COL25A1: variants seen among roughly 807,000 people sequenced by gnomAD.
The protein encoded by COL25A1 is collagen alpha-1(XXV) chain.
Under a neutral mutation model 128.4 loss-of-function variants are expected in COL25A1, and 103 were observed. The observed-to-expected ratio is 0.80, with a 90% CI of 0.68 to 0.94. The LOEUF (loss-of-function observed/expected upper bound fraction) is 0.94. Ranked by LOEUF, COL25A1 falls within the 40% of genes least tolerant of loss-of-function variation. The pLI, the probability that COL25A1 is intolerant of heterozygous loss-of-function variation, is 0.00. For synonymous variants in COL25A1, 279 were observed against 277.2 expected (o/e 1.01, Z -0.06); for missense variants, 745 against 840.0 (o/e 0.89, Z 1.40).
intron 13 of COL25A1, among the ~76,000 whole-genome samples, chr4:108,906,510 G>A (rs1479739166): frequency 2.0e-5 from 3 of 152,042 alleles, no homozygotes; most frequent in Admixed American, 2.0e-4. Flanking sequence ...ACAACCTTGT[G>A]TTTCTTTTCT....
chr4:109,052,509 T>A (rs1450139607), intron 3 of COL25A1, among the ~76,000 whole-genome samples: 2 of 152,214 alleles, frequency 1.3e-5, no homozygotes, highest in Non-Finnish European at 2.9e-5. Context: ...TAAACTCTAA[T>A]GAATTTACAA....
At chr4:109,084,655 C>T (rs532580104) in intron 3 of COL25A1, among the ~76,000 whole-genome samples, 3 of 152,174 alleles carry the variant, frequency 2.0e-5, no homozygotes, top group Non-Finnish European at 4.4e-5. Context: ...GCAAGAACCA[C>T]ACATCAGGTT....
chr4:109,193,878 C>T (rs2126166955), intron 3 of COL25A1, among the ~76,000 whole-genome samples: 1 of 152,140 alleles, frequency 6.6e-6, no homozygotes, highest in Non-Finnish European at 1.5e-5. Context: ...TAGGCCAAAA[C>T]CTTAGGATAC....
At position 109,288,658 on chromosome 4, in the gene COL25A1, G is replaced by A. The variant is rs760035706; in HGVS notation, c.367+11925C>T. ...TTTAACATTAGTGGAACTATTCATT[G>A]GTACCTAAATACAGGAAGCAGTGTC... On this transcript the variant is annotated intron_variant, in intron 3 of 37. Transcript: ENST00000399132. 6.2e-4 allele frequency among the ~76,000 whole-genome samples: 94 copies of A among 152,006 alleles called. 1 individual carries two copies. The highest frequency in any genetic ancestry group is 2.6e-4 in the Non-Finnish European group (18 of 68,000).
intron 6 of COL25A1, among the ~76,000 whole-genome samples, chr4:108,987,382 C>T (rs1192175441): frequency 7.1e-5 from 10 of 141,682 alleles, no homozygotes; most frequent in Non-Finnish European, 7.8e-5. Flanking sequence ...TTTTCTTTTT[C>T]TTTTTTTTTT....
intron 3 of COL25A1, among the ~76,000 whole-genome samples, chr4:109,064,946 G>A (rs1004371792): frequency 2.0e-5 from 3 of 152,292 alleles, no homozygotes; most frequent in Admixed American, 1.3e-4. Context: ...CCTTGAGGAG[G>A]TACAGGGTAG....
Position 109,279,808 on chromosome 4 carries a change from C to T in COL25A1, c.367+20775G>A, listed in dbSNP as rs1259201007. Among the ~76,000 whole-genome samples, 6 of 152,150 alleles carry T rather than the reference C, an allele frequency of 3.9e-5. No homozygotes were observed. In the East Asian group the frequency reaches 9.6e-4, roughly 24 times the overall value. ...TGCCCTTTATTCTACTATGTATCTACATTTCCTTTTTCTCCAGCATCCTGG... is the reference window on the plus strand; with the variant it reads ...TGCCCTTTATTCTACTATGTATCTATATTTCCTTTTTCTCCAGCATCCTGG... On this transcript the variant is annotated intron_variant, in intron 3 of 37. Coordinates refer to ENST00000399132, the MANE Select transcript of COL25A1 (RefSeq NM_198721.4).
intron 28 of COL25A1, among the ~76,000 whole-genome samples, chr4:108,845,495 G>C (rs556152716): frequency 6.6e-6 from 1 of 152,124 alleles, no homozygotes; most frequent in Non-Finnish European, 1.5e-5. Flanking sequence ...GAGCTTGATT[G>C]GTTAAAGACC....
chr4:109,076,532 G>A (rs2125988834), intron 3 of COL25A1, among the ~76,000 whole-genome samples: 1 of 152,248 alleles, frequency 6.6e-6, no homozygotes. Context: ...GTACAGTAGA[G>A]CAGTGGTCCC....
intron 3 of COL25A1, among the ~76,000 whole-genome samples, chr4:109,070,322 T>C (rs1227748716): frequency 4.6e-5 from 7 of 151,862 alleles, no homozygotes; most frequent in African/African-American, 1.5e-4. Context: ...TATGAGCATG[T>C]ATTTGATAAG....
chr4:109,132,236 C>T (rs1579466580), intron 3 of COL25A1, among the ~76,000 whole-genome samples: 3 of 152,006 alleles, frequency 2.0e-5, no homozygotes, highest in Admixed American at 6.5e-5. Flanking sequence ...ATATATAATA[C>T]ACACACACAT....
intron 13 of COL25A1, among the ~76,000 whole-genome samples, chr4:108,914,776 C>G (rs1744672891): frequency 1.3e-5 from 2 of 151,858 alleles, no homozygotes; most frequent in Admixed American, 1.3e-4. Flanking sequence ...ACCTTGGCCT[C>G]CCAAAGCGTT....
chr4:109,246,748 AATTT>A (rs141740249), intron 3 of COL25A1, among the ~76,000 whole-genome samples: 6 of 152,102 alleles, frequency 3.9e-5, no homozygotes, highest in Non-Finnish European at 8.8e-5. Flanking sequence ...CTTCTTCATT[AATTT>A]ATTTATCTAC....
At chr4:108,873,297 G>T (rs1386649871) in intron 19 of COL25A1, among the ~76,000 whole-genome samples, 1 of 152,124 alleles carries the variant, frequency 6.6e-6, no homozygotes, top group African/African-American at 2.4e-5. Context: ...AGACCAAAAA[G>T]TTCAAGAACT....
intron 15 of COL25A1, among the ~76,000 whole-genome samples, chr4:108,898,495 T>C (rs1336054231): frequency 6.6e-6 from 1 of 152,172 alleles, no homozygotes; most frequent in African/African-American, 2.4e-5. Context: ...ATAAGTATCG[T>C]AATATGCAAT....
intron 3 of COL25A1, among the ~76,000 whole-genome samples, chr4:109,277,075 A>G (rs1389587503): frequency 6.6e-6 from 1 of 152,362 alleles, no homozygotes; most frequent in Admixed American, 6.5e-5. Context: ...CTTTCTAAAC[A>G]AAACAAAATA....
intron 3 of COL25A1, among the ~76,000 whole-genome samples, chr4:109,161,975 T>C (rs1241818864): frequency 2.6e-5 from 4 of 152,180 alleles, no homozygotes; most frequent in Non-Finnish European, 4.4e-5. Flanking sequence ...AACTTTCCTG[T>C]GTGGTCTCTG....
chr4:109,027,964 T>C (rs1181916775), intron 5 of COL25A1, among the ~76,000 whole-genome samples: 4 of 152,154 alleles, frequency 2.6e-5, no homozygotes, highest in African/African-American at 9.7e-5. Flanking sequence ...AGTCCAAAAT[T>C]CTGAGAGTTC....
At chr4:108,907,412 C>A (rs1057319209) in intron 13 of COL25A1, among the ~76,000 whole-genome samples, 2 of 152,090 alleles carry the variant, frequency 1.3e-5, no homozygotes, top group Non-Finnish European at 2.9e-5. Context: ...AGGTGAGGGG[C>A]GAGAAGTAGC....
Sources: gnomAD v4.1 joint callset for allele counts (sites outside exome capture counted in the v4.1 genomes callset) on GRCh38, gnomAD v4.1.1 for gene constraint, MANE v1.5 for transcripts, NCBI Gene and HGNC (gene_info 2026-07-23, HGNC 2026-07-21) for gene names.